Variants in ADAMTS20 observed in about 807,000 individuals in gnomAD.
ADAMTS20 encodes A disintegrin and metalloproteinase with thrombospondin motifs 20.
In ADAMTS20, 225 loss-of-function variants were observed where a neutral mutation model predicts 260.1. The observed-to-expected ratio is 0.87, with a 90% CI of 0.78 to 0.97. ADAMTS20 has a LOEUF of 0.97. ADAMTS20 is among the 50% of genes least tolerant of loss of function. The pLI is 0.00. For synonymous variants in ADAMTS20, 802 were observed against 769.5 expected (o/e 1.04, Z -0.70); for missense variants, 2,400 against 2,337.7 (o/e 1.03, Z -0.55).
Position 43,427,365 on chromosome 12 carries a change from C to T in ADAMTS20, c.4050G>A (p.Glu1350=). The change falls in exon 27 of 39, where the codon GAG becomes GAA. Residue 1350 remains glutamate, a synonymous_variant. Coordinates refer to ENST00000389420, the MANE Select transcript of ADAMTS20 (RefSeq NM_025003.5). The part of the protein sequence containing the change: ...SYCDAASKPP[E]LQQCGPGPCP... Reference sequence around the variant, plus strand: ...AAGGCCCTGGACCACATTGCTGTAACTCTGGAGGCTTGGAGGCTGCATCGC... The same window carrying T: ...AAGGCCCTGGACCACATTGCTGTAATTCTGGAGGCTTGGAGGCTGCATCGC... 1.2e-6 allele frequency: 2 copies of T among 1,613,920 alleles called. No homozygotes were observed. The highest frequency in any genetic ancestry group is 2.2e-5 in the South Asian group (2 of 91,090).
At chr12:43,458,392 C>A (rs1942003232) in intron 11 of ADAMTS20, among the ~76,000 whole-genome samples, 1 of 152,186 alleles carries the variant, frequency 6.6e-6, no homozygotes, top group African/African-American at 2.4e-5. Flanking sequence ...CTGCAATGCC[C>A]TACGAAATCT....
chr12:43,483,715 C>T (rs1942476140), intron 7 of ADAMTS20, among the ~76,000 whole-genome samples: 1 of 152,126 alleles, frequency 6.6e-6, no homozygotes, highest in African/African-American at 2.4e-5. Flanking sequence ...ACGGTGGCTC[C>T]TTCTCTTCCC....
At chr12:43,487,086 G>A (rs1288044441) in intron 7 of ADAMTS20, among the ~76,000 whole-genome samples, 1 of 152,126 alleles carries the variant, frequency 6.6e-6, no homozygotes, top group Admixed American at 6.5e-5. Flanking sequence ...TTTACCCAAA[G>A]GAACAGAAGT....
intron 3 of ADAMTS20, among the ~76,000 whole-genome samples, chr12:43,514,302 C>T (rs919283924): frequency 2.0e-5 from 3 of 151,548 alleles, no homozygotes; most frequent in South Asian, 2.1e-4. Context: ...GGATGGCTCA[C>T]GCCTGTAATC....
intron 4 of ADAMTS20, among the ~76,000 whole-genome samples, chr12:43,501,476 C>T (rs1243108158): frequency 0.025 from 2,268 of 88,964 alleles, 57 homozygotes; most frequent in African/African-American, 0.11. Flanking sequence ...CGCGCGCGCG[C>T]GCGCGCACAC....
chr12:43,376,568 T>A lies in ADAMTS20; in HGVS notation c.5081A>T (p.Asn1694Ile). 6.2e-7 allele frequency: 1 copy of A among 1,613,592 alleles called. No individual in the cohort carries two copies. Residue 1694 changes from asparagine (N) to isoleucine (I), a missense_variant, in exon 33 of 39, where the codon AAC (asparagine) becomes ATC (isoleucine). Coordinates refer to ENST00000389420, the MANE Select transcript of ADAMTS20 (RefSeq NM_025003.5). ...KHGLSSDLCL[N>I]HLKPGAQKKC... ...CTTTTGAGCACCTGGTTTTAAATGGTTTAAACATAAGTCACTGGACAAACC... is the reference window on the plus strand; with the variant it reads ...CTTTTGAGCACCTGGTTTTAAATGGATTAAACATAAGTCACTGGACAAACC...
intron 2 of ADAMTS20, 129 bp from the exon 3 acceptor site, chr12:43,532,324 C>G (rs1026550647): frequency 5.1e-6 from 4 of 786,778 alleles, no homozygotes; most frequent in Non-Finnish European, 7.8e-6. Flanking sequence ...GAGCCATCAA[C>G]TGAGCATAAA....
chr12:43,379,398 C>A (rs1212367392), intron 31 of ADAMTS20, among the ~76,000 whole-genome samples: 3 of 152,144 alleles, frequency 2.0e-5, no homozygotes, highest in African/African-American at 7.2e-5. Context: ...CGTGAACATG[C>A]ATCAGATTGT....
intron 8 of ADAMTS20, 38 bp from the exon 9 acceptor site, chr12:43,466,833 A>G: frequency 6.8e-7 from 1 of 1,462,936 alleles, no homozygotes. Context: ...GAATATCAAA[A>G]GATGCTTACG....
rs1242160676 is a variant in ADAMTS20 at position 43,359,663 on chromosome 12, A to G, written c.5539-3075T>C. On this transcript the variant is annotated intron_variant, in intron 37 of 38. Transcript: ENST00000389420. The stretch of plus-strand genomic sequence containing the variant: ...AAGACAGAGACATGTAGATCAAAGG[A>G]AAAAAAAGACCCACATAAATATGGC... Among the ~76,000 whole-genome samples, 4 of 152,056 alleles carry G rather than the reference A, an allele frequency of 2.6e-5. No individual in the cohort carries two copies. In the East Asian group the frequency reaches 7.7e-4, roughly 29 times the overall value.
chr12:43,460,988 A>ATTTTTTTTT (rs1161740021), intron 11 of ADAMTS20, among the ~76,000 whole-genome samples: 26 of 26,396 alleles, frequency 9.8e-4, no homozygotes, highest in East Asian at 0.05. Flanking sequence ...ATATATATAT[A>ATTTTTTTTT]TTTTTTTTTT....
At chr12:43,372,655 T>A (rs1940131840) in intron 36 of ADAMTS20, among the ~76,000 whole-genome samples, 1 of 152,182 alleles carries the variant, frequency 6.6e-6, no homozygotes, top group Non-Finnish European at 1.5e-5. Context: ...AGCAGCAGAA[T>A]TGAGGATGTG....
chr12:43,511,782 C>T (rs1004659819), intron 3 of ADAMTS20, among the ~76,000 whole-genome samples: 10 of 152,072 alleles, frequency 6.6e-5, no homozygotes, highest in Non-Finnish European at 1.0e-4. Context: ...TAAGGAAACA[C>T]ATTTTACACT....
At chr12:43,458,693 G>T (rs1332434311) in intron 11 of ADAMTS20, among the ~76,000 whole-genome samples, 3 of 152,052 alleles carry the variant, frequency 2.0e-5, no homozygotes, top group Non-Finnish European at 4.4e-5. Context: ...CTATTTTTCT[G>T]GTGTGTGGCA....
At chr12:43,511,241 TC>T (rs1942920074) in intron 3 of ADAMTS20, among the ~76,000 whole-genome samples, 1 of 152,098 alleles carries the variant, frequency 6.6e-6, no homozygotes, top group South Asian at 2.1e-4. Context: ...CAATCTCTTG[TC>T]CCTCCCATTC....
chr12:43,478,769 T>A lies in ADAMTS20; in HGVS notation c.1118-10064A>T, dbSNP rs543375142. Reference sequence around the variant, plus strand: ...TAGAATTGGTAACTAGAAAAATATATTTTGAAAATAAGAGTATTTGCCTGT... The same window carrying A: ...TAGAATTGGTAACTAGAAAAATATAATTTGAAAATAAGAGTATTTGCCTGT... On this transcript the variant is annotated intron_variant, in intron 7 of 38. Transcript: ENST00000389420. Among the ~76,000 whole-genome samples the A allele has an allele frequency of 2.6e-5, 4 of 152,300 alleles. No homozygotes were observed. The East Asian group carries it at 5.8e-4, about 22-fold the overall frequency.
chr12:43,503,906 G>T (rs996825312), intron 3 of ADAMTS20, among the ~76,000 whole-genome samples: 2 of 151,980 alleles, frequency 1.3e-5, no homozygotes, highest in African/African-American at 4.8e-5. Flanking sequence ...TTCTTTTTAT[G>T]ACTACATAAT....
intron 4 of ADAMTS20, among the ~76,000 whole-genome samples, chr12:43,497,154 T>A (rs1251069689): frequency 6.6e-6 from 1 of 152,210 alleles, no homozygotes; most frequent in Non-Finnish European, 1.5e-5. Flanking sequence ...TTCCTTCACT[T>A]AAGTAGTTCT....
chr12:43,502,171 A>G lies in ADAMTS20; in HGVS notation c.848T>C (p.Ile283Thr). ...SAHGSNLQNYILTLMSIVATI... is the reference protein window; with the variant it reads ...SAHGSNLQNYTLTLMSIVATI... ...ACTTACAATTGACATTAGAGTCAGTATATAGTTTTGCAAATTCGATCCATG... is the reference window on the plus strand; with the variant it reads ...ACTTACAATTGACATTAGAGTCAGTGTATAGTTTTGCAAATTCGATCCATG... The change falls in exon 4 of 39, where the codon ATA becomes ACA. Residue 283 changes from isoleucine to threonine, a missense_variant. Transcript: ENST00000389420. The G allele has an allele frequency of 6.2e-7, 1 of 1,601,896 alleles. No individual in the cohort carries two copies. The highest frequency in any genetic ancestry group is 8.5e-7 in the Non-Finnish European group (1 of 1,174,850).
Sources: gnomAD v4.1 joint callset for allele counts (sites outside exome capture counted in the v4.1 genomes callset) on GRCh38, gnomAD v4.1.1 for gene constraint, MANE v1.5 for transcripts, NCBI Gene and HGNC (gene_info 2026-07-23, HGNC 2026-07-21) for gene names.